KCNJ6: variants seen among roughly 807,000 people sequenced by gnomAD.
The protein encoded by KCNJ6 is potassium inwardly rectifying channel subfamily J member 6.
A neutral mutation model predicts 34.2 loss-of-function variants in KCNJ6; 9 were observed. The ratio of observed to expected loss-of-function variants is 0.26; its 90% CI spans 0.16 to 0.46. The LOEUF is 0.46. Among genes scored for constraint, KCNJ6 ranks in the 20% least tolerant of loss-of-function variants. The probability of loss-of-function intolerance (pLI) is 1.00; values close to 1 mark genes in which losing one functional copy is unlikely to be tolerated. For missense variants in KCNJ6, 236 were observed against 531.3 expected (o/e 0.44, Z 5.46); for synonymous variants, 196 against 207.1 (o/e 0.95, Z 0.46).
chr21:37,694,683 C>CGTA (rs2054656394), intron 3 of KCNJ6, among the ~76,000 whole-genome samples: 2 of 152,132 alleles, frequency 1.3e-5, no homozygotes, highest in East Asian at 3.9e-4. Flanking sequence ...AAGTACTTTG[C>CGTA]GTAATGTCAT....
At chr21:37,816,137 C>T (rs569718905) in intron 2 of KCNJ6, among the ~76,000 whole-genome samples, 2 of 152,322 alleles carry the variant, frequency 1.3e-5, no homozygotes, top group African/African-American at 4.8e-5. Context: ...TGGAAGGTCT[C>T]AGAGGAGTAC....
intron 1 of KCNJ6, among the ~76,000 whole-genome samples, chr21:37,897,929 A>G (rs540627525): frequency 2.6e-4 from 40 of 152,368 alleles, no homozygotes; most frequent in African/African-American, 9.1e-4. Context: ...ATTAAGTGAG[A>G]TGGGAAATCA....
intron 2 of KCNJ6, among the ~76,000 whole-genome samples, chr21:37,777,296 C>A (rs2055147053): frequency 6.6e-6 from 1 of 152,112 alleles, no homozygotes; most frequent in Non-Finnish European, 1.5e-5. Context: ...GCCTCCCGCA[C>A]CCTTTATCAA....
At position 37,614,645 on chromosome 21, in the gene KCNJ6, C is replaced by T. The variant is rs568744828; in HGVS notation, c.*10514G>A. On this transcript the variant is annotated 3_prime_UTR_variant, in exon 4 of 4. Transcript: ENST00000609713. ...GTATGCATATGTCTGTGTGTGTATGCACGTGTGTGTATGCATGTGTCTCTG... is the reference window on the plus strand; with the variant it reads ...GTATGCATATGTCTGTGTGTGTATGTACGTGTGTGTATGCATGTGTCTCTG... The T allele has an allele frequency of 0.022, 1,762 of 81,400 alleles. 19 individuals carry two copies. Among genetic ancestry groups the T allele is most frequent in the Non-Finnish European group, 0.028 (1,133 of 39,996 alleles). The allele number at this position is 81,400 out of a possible 1,614,324, so 5.0% of individuals were successfully genotyped here.
At chr21:37,762,399 C>T (rs931505261) in intron 2 of KCNJ6, among the ~76,000 whole-genome samples, 4 of 152,006 alleles carry the variant, frequency 2.6e-5, no homozygotes, top group Non-Finnish European at 4.4e-5. Context: ...GCTTCCTGCT[C>T]GTCATTAGAA....
chr21:37,742,611 A>G (rs1182733656), intron 2 of KCNJ6, among the ~76,000 whole-genome samples: 2 of 152,232 alleles, frequency 1.3e-5, no homozygotes, highest in African/African-American at 4.8e-5. Context: ...ACACATTCAT[A>G]CATGAGTGGC....
At chr21:37,888,332 TA>T (rs1470081659) in intron 1 of KCNJ6, among the ~76,000 whole-genome samples, 1 of 152,190 alleles carries the variant, frequency 6.6e-6, no homozygotes, top group Non-Finnish European at 1.5e-5. Context: ...AGGCTGAAGC[TA>T]ATTGGCCCAG....
In KCNJ6 at chr21:37,624,754, C is replaced by G. The variant is rs966216246; in HGVS notation, c.*405G>C. ...GATCCATAAAACTGAGGGCTCCACT[C>G]TGTGTCTCACTGAATGAATAAATAG... On this transcript the variant is annotated 3_prime_UTR_variant, in exon 4 of 4. Transcript: ENST00000609713. The G allele has an allele frequency of 1.0e-5, 2 of 196,076 alleles. No individual in the cohort carries two copies. Among genetic ancestry groups the G allele is most frequent in the African/African-American group, 4.7e-5 (2 of 42,232 alleles). 12.1% of individuals were successfully genotyped at this position (196,076 alleles called of 1,614,324 possible). A position where few individuals can be genotyped will look rare whatever the true frequency, so the allele number is the denominator to read the frequency against.
intron 1 of KCNJ6, among the ~76,000 whole-genome samples, chr21:37,901,434 G>A (rs374537011): frequency 6.6e-6 from 1 of 152,108 alleles, no homozygotes; most frequent in African/African-American, 2.4e-5. Context: ...GAAATAGAGG[G>A]ATAAAGGTAG....
At chr21:37,733,403 G>A (rs1053709097) in intron 2 of KCNJ6, among the ~76,000 whole-genome samples, 1 of 152,112 alleles carries the variant, frequency 6.6e-6, no homozygotes, top group Admixed American at 6.5e-5. Context: ...TCGGAGATGG[G>A]CATTTCCTTT....
At chr21:37,719,687 C>A (rs948466740) in intron 2 of KCNJ6, 1 of 152,178 alleles carries the variant, frequency 6.6e-6, no homozygotes, top group South Asian at 2.1e-4. Flanking sequence ...TTTCTTTCTC[C>A]TTCTCTTTTA....
chr21:37,907,343 T>C (rs890479361), intron 1 of KCNJ6, among the ~76,000 whole-genome samples: 4 of 151,830 alleles, frequency 2.6e-5, no homozygotes, highest in African/African-American at 9.7e-5. Flanking sequence ...ATGTGATTCA[T>C]TTTTTTTATA....
chr21:37,614,791 T>C lies in KCNJ6; in HGVS notation c.*10368A>G, dbSNP rs2054259694. On this transcript the variant is annotated 3_prime_UTR_variant, in exon 4 of 4. Transcript: ENST00000609713. ...GTGTCTGTGTGTATGTGTGTGTGTA[T>C]GCATGTGTCTGTGTGTGTATTTGTG... 1 of 147,656 alleles carries C rather than the reference T, an allele frequency of 6.8e-6. No homozygotes were observed. The highest frequency in any genetic ancestry group is 2.5e-5 in the African/African-American group (1 of 39,740). The allele number at this position is 147,656 out of a possible 1,614,324, so 9.1% of individuals were successfully genotyped here. A position where few individuals can be genotyped will look rare whatever the true frequency, so the allele number is the denominator to read the frequency against.
At chr21:37,908,737 T>A (rs1010188703) in intron 1 of KCNJ6, among the ~76,000 whole-genome samples, 2 of 152,198 alleles carry the variant, frequency 1.3e-5, no homozygotes, top group Admixed American at 6.5e-5. Context: ...TTTAAAAAAA[T>A]ACACCACTAA....
rs1005448121 is a variant in KCNJ6, at chr21:37,614,826, G to T, written c.*10333C>A. On this transcript the variant is annotated 3_prime_UTR_variant, in exon 4 of 4. Transcript: ENST00000609713. The stretch of plus-strand genomic sequence containing the variant: ...TGTGTGTGTATTTGTGTGTATGTGT[G>T]TGTGTTATGTAGGGAGAGGGTGCTT... 1 of 152,166 alleles carries T rather than the reference G, an allele frequency of 6.6e-6. No individual in the cohort carries two copies. Among genetic ancestry groups the T allele is most frequent in the African/African-American group, 2.4e-5 (1 of 41,380 alleles). 9.4% of individuals were successfully genotyped at this position (152,166 alleles called of 1,614,324 possible).
intron 1 of KCNJ6, among the ~76,000 whole-genome samples, chr21:37,882,245 G>C (rs183567108): frequency 6.6e-6 from 1 of 152,314 alleles, no homozygotes; most frequent in East Asian, 1.9e-4. Flanking sequence ...GGGGGTTGTA[G>C]CCTTGGGTTG....
At position 37,880,789 on chromosome 21, in the gene KCNJ6, A is replaced by G. The variant is rs1285204455; in HGVS notation, c.-28+35095T>C. Among the ~76,000 whole-genome samples the G allele has an allele frequency of 2.6e-5, 4 of 152,232 alleles. No individual in the cohort carries two copies. The East Asian group carries it at 7.7e-4, about 29-fold the overall frequency. On this transcript the variant is annotated intron_variant, in intron 1 of 3. Transcript: ENST00000609713. ...GAAGCATATTTCCCAAGCTGGCTTG[A>G]CATCAGAGTCTTTTTAGTGGAAGAC...
chr21:37,729,339 G>A (rs377106808), intron 2 of KCNJ6, among the ~76,000 whole-genome samples: 11,211 of 151,858 alleles, frequency 0.074, 447 homozygotes, highest in African/African-American at 0.094. Flanking sequence ...CTTTTTGGGG[G>A]GGGGGGCAGG....
intron 2 of KCNJ6, among the ~76,000 whole-genome samples, chr21:37,740,004 C>T (rs2054932597): frequency 6.6e-6 from 1 of 151,926 alleles, no homozygotes; most frequent in African/African-American, 2.4e-5. Flanking sequence ...TTGCCAGTCT[C>T]CCTGTTCTTT....
Sources: allele counts gnomAD v4.1 joint callset (sites outside exome capture counted in the v4.1 genomes callset), GRCh38; gene constraint gnomAD v4.1.1; transcripts MANE v1.5; gene names NCBI Gene and HGNC (gene_info 2026-07-23, HGNC 2026-07-21).